Variants in NFIA observed in about 807,000 individuals in gnomAD.
NFIA encodes the protein nuclear factor 1 A-type.
A neutral mutation model predicts 62.8 loss-of-function variants in NFIA; 8 were observed. That is an observed-to-expected ratio of 0.13 (90% CI 0.07 to 0.23). NFIA has a LOEUF of 0.23. Among genes scored for constraint, NFIA ranks in the 10% least tolerant of loss-of-function variants. The pLI is 1.00. For missense variants in NFIA, 410 were observed against 642.1 expected (o/e 0.64, Z 3.91); for synonymous variants, 235 against 238.1 (o/e 0.99, Z 0.12).
chr1:61,290,681 T>C (rs763896690), intron 3 of NFIA, among the ~76,000 whole-genome samples: 8 of 152,212 alleles, frequency 5.3e-5, no homozygotes, highest in Non-Finnish European at 1.2e-4. Flanking sequence ...GTTCTAAAAG[T>C]AGCAGTGCAG....
intron 2 of NFIA, among the ~76,000 whole-genome samples, chr1:61,123,690 G>C (rs552353172): frequency 4.8e-5 from 2 of 41,604 alleles, no homozygotes; most frequent in Non-Finnish European, 1.0e-4. Context: ...AATCCAGTGA[G>C]GGGGGAAGGC....
intron 2 of NFIA, among the ~76,000 whole-genome samples, chr1:61,109,140 T>C (rs547314267): frequency 6.6e-6 from 1 of 151,994 alleles, no homozygotes; most frequent in South Asian, 2.1e-4. Context: ...TTTCCTCATG[T>C]AATTTTTGTT....
chr1:61,213,351 A>G (rs1014712741), intron 2 of NFIA, among the ~76,000 whole-genome samples: 3 of 152,320 alleles, frequency 2.0e-5, no homozygotes, highest in South Asian at 2.1e-4. Context: ...GAATGTTTCA[A>G]TGTCAACAGG....
intron 2 of NFIA, among the ~76,000 whole-genome samples, chr1:61,151,649 G>C (rs1054073907): frequency 6.6e-6 from 1 of 152,118 alleles, no homozygotes; most frequent in African/African-American, 2.4e-5. Context: ...AACAGCCCTG[G>C]AACTCAGAGC....
intron 2 of NFIA, among the ~76,000 whole-genome samples, chr1:61,182,730 G>C (rs556089712): frequency 3.9e-5 from 6 of 152,136 alleles, no homozygotes; most frequent in African/African-American, 1.4e-4. Flanking sequence ...CATATTCCCC[G>C]AAGTTTTTGT....
chr1:61,307,320 C>T (rs2100341583), intron 3 of NFIA, among the ~76,000 whole-genome samples: 1 of 152,280 alleles, frequency 6.6e-6, no homozygotes, highest in East Asian at 1.9e-4. Flanking sequence ...AGCCCTTCTG[C>T]CACGTGAGGA....
intron 3 of NFIA, among the ~76,000 whole-genome samples, chr1:61,324,211 C>A (rs1660817237): frequency 6.6e-6 from 1 of 152,156 alleles, no homozygotes; most frequent in Admixed American, 6.5e-5. Context: ...AGAGCAGTGT[C>A]CCCAGGGACT....
chr1:61,238,992 A>G (rs538781114), intron 2 of NFIA, among the ~76,000 whole-genome samples: 1 of 152,336 alleles, frequency 6.6e-6, no homozygotes, highest in East Asian at 1.9e-4. Context: ...AAAATTTACA[A>G]TATTTATTTT....
intron 2 of NFIA, chr1:61,253,355 G>C (rs1468883146): frequency 1.3e-5 from 2 of 152,278 alleles, no homozygotes; most frequent in Non-Finnish European, 2.9e-5. Flanking sequence ...TTCCAGATGA[G>C]CTAGGGCACT....
intron 3 of NFIA, among the ~76,000 whole-genome samples, chr1:61,302,556 A>G (rs962462978): frequency 6.6e-6 from 1 of 152,136 alleles, no homozygotes; most frequent in African/African-American, 2.4e-5. Flanking sequence ...TCATTCCCCA[A>G]CAGGATGTTT....
At chr1:61,224,029 G>A (rs1654174127) in intron 2 of NFIA, among the ~76,000 whole-genome samples, 1 of 151,966 alleles carries the variant, frequency 6.6e-6, no homozygotes, top group South Asian at 2.1e-4. Flanking sequence ...TTGGAGGTGG[G>A]GAGGACTTTT....
chr1:61,169,937 G>C (rs530908464), intron 2 of NFIA, among the ~76,000 whole-genome samples: 115 of 152,282 alleles, frequency 7.6e-4, no homozygotes, highest in Admixed American at 3.0e-3. Context: ...TTAAATAAAA[G>C]TAATGTTATT....
At chr1:61,277,886 A>AT (rs949847760) in intron 3 of NFIA, among the ~76,000 whole-genome samples, 3 of 151,734 alleles carry the variant, frequency 2.0e-5, no homozygotes, top group Non-Finnish European at 2.9e-5. Context: ...ACCAAATCAG[A>AT]TTTTTTTTTA....
At chr1:61,445,386 G>T (rs1002810832) in intron 10 of NFIA, among the ~76,000 whole-genome samples, 6 of 152,032 alleles carry the variant, frequency 3.9e-5, no homozygotes, top group Non-Finnish European at 8.8e-5. Flanking sequence ...ATTGTTTGTA[G>T]CAACGAATAT....
intron 3 of NFIA, among the ~76,000 whole-genome samples, chr1:61,313,048 G>A (rs1049696032): frequency 1.3e-5 from 2 of 152,126 alleles, no homozygotes; most frequent in South Asian, 4.2e-4. Context: ...GCAAAGATAG[G>A]CCAAGTCAAG....
At chr1:61,184,636 T>G (rs1484890346) in intron 2 of NFIA, among the ~76,000 whole-genome samples, 1 of 152,208 alleles carries the variant, frequency 6.6e-6, no homozygotes, top group Non-Finnish European at 1.5e-5. Flanking sequence ...TTTTTTGGCT[T>G]CTGACCAAAC....
At chr1:61,082,516 C>T (rs1159988735), upstream of NFIA, 2 of 1,296,132 alleles carry the variant, frequency 1.5e-6, no homozygotes, top group Non-Finnish European at 2.0e-6. Flanking sequence ...CTTTAACACC[C>T]GCGTACAGTA....
intron 2 of NFIA, among the ~76,000 whole-genome samples, chr1:61,246,970 T>C (rs1183784888): frequency 6.6e-6 from 1 of 152,226 alleles, no homozygotes; most frequent in African/African-American, 2.4e-5. Context: ...ATGTTGACCG[T>C]GAACCAAAAT....
At chr1:61,272,848 T>C (rs997024579) in intron 2 of NFIA, among the ~76,000 whole-genome samples, 1 of 152,216 alleles carries the variant, frequency 6.6e-6, no homozygotes, top group Non-Finnish European at 1.5e-5. Context: ...CTTTATTTCT[T>C]TCACTAATAT....
Sources: gnomAD v4.1 joint callset for allele counts (sites outside exome capture counted in the v4.1 genomes callset) on GRCh38, gnomAD v4.1.1 for gene constraint, MANE v1.5 for transcripts, NCBI Gene and HGNC (gene_info 2026-07-23, HGNC 2026-07-21) for gene names.